KDM4C: variants seen among roughly 807,000 people sequenced by gnomAD.
KDM4C encodes lysine demethylase 4C.
Under a neutral mutation model 129.3 loss-of-function variants are expected in KDM4C, and 81 were observed. The observed-to-expected ratio is 0.63, with a 90% confidence interval of 0.52 to 0.75. The LOEUF (loss-of-function observed/expected upper bound fraction) is 0.75. Among genes scored for constraint, KDM4C ranks in the 30% least tolerant of loss-of-function variants. The pLI is 0.00. For synonymous variants in KDM4C, 573 were observed against 456.1 expected (o/e 1.26, Z -3.26); for missense variants, 1,457 against 1,304.0 (o/e 1.12, Z -1.81).
intron 8 of KDM4C, among the ~76,000 whole-genome samples, chr9:6,898,295 T>G (rs1045871264): frequency 5.3e-5 from 8 of 152,228 alleles, no homozygotes; most frequent in Admixed American, 1.3e-4. Flanking sequence ...TTTACTGTAC[T>G]GATTTTCTTG....
At chr9:6,926,467 A>T (rs1273327551) in intron 8 of KDM4C, among the ~76,000 whole-genome samples, 1 of 151,960 alleles carries the variant, frequency 6.6e-6, no homozygotes, top group Non-Finnish European at 1.5e-5. Context: ...GGCCATATTC[A>T]GTTTCTTTTT....
rs537290169 is a variant in KDM4C, at chr9:6,868,551, C to T, written c.630-11461C>T. ...GTGGTAGTTACCCATGCACATCCTC[C>T]CCTATACTTTACATCATTTCTAGAT... is the stretch of plus-strand genomic sequence containing the variant. On this transcript the variant is annotated intron_variant, in intron 5 of 21. Coordinates refer to ENST00000381309, the MANE Select transcript of KDM4C (RefSeq NM_015061.6). 6.4e-4 allele frequency among the ~76,000 whole-genome samples: 98 copies of T among 152,162 alleles called. 1 individual carries two copies. Among genetic ancestry groups the T allele is most frequent in the Admixed American group, 1.1e-3 (17 of 15,280 alleles).
intron 8 of KDM4C, among the ~76,000 whole-genome samples, chr9:6,977,167 C>G (rs946892355): frequency 1.1e-4 from 16 of 152,136 alleles, no homozygotes; most frequent in African/African-American, 3.6e-4. Flanking sequence ...ATATTTAAAT[C>G]TTCAAAATAA....
At chr9:7,063,303 C>T (rs182415092) in intron 17 of KDM4C, among the ~76,000 whole-genome samples, 6 of 152,270 alleles carry the variant, frequency 3.9e-5, no homozygotes, top group East Asian at 1.9e-4. Context: ...GCTGTCTCAA[C>T]ATTTTGATGT....
intron 1 of KDM4C, among the ~76,000 whole-genome samples, chr9:6,772,612 C>A (rs1822106214): frequency 6.6e-6 from 1 of 152,010 alleles, no homozygotes. Context: ...CTGTCCACCT[C>A]GGCCTCCCAA....
Position 6,793,035 on chromosome 9 carries a change from T to C in KDM4C, c.47T>C (p.Ile16Thr), listed in dbSNP as rs1050236148. Residue 16 changes from isoleucine to threonine, a missense_variant, in exon 2 of 22, where the codon ATA becomes ACA. By Grantham distance (89) the Ile-to-Thr change is moderately conservative (BLOSUM62 -1). Transcript: ENST00000381309. ...VESPLNPSCK[I>T]MTFRPSMEEF... ...AGTCCTCTGAACCCCAGCTGTAAGATAATGACCTTCAGACCCTCCATGGAG... is the reference window on the plus strand; with the variant it reads ...AGTCCTCTGAACCCCAGCTGTAAGACAATGACCTTCAGACCCTCCATGGAG... 4.3e-6 allele frequency: 7 copies of C among 1,614,076 alleles called. No homozygotes were observed. The highest frequency in any genetic ancestry group is 5.9e-6 in the Non-Finnish European group (7 of 1,180,030).
intron 5 of KDM4C, among the ~76,000 whole-genome samples, chr9:6,864,779 A>T (rs11999997): frequency 0.014 from 2,164 of 151,048 alleles, 54 homozygotes; most frequent in African/African-American, 0.049. Flanking sequence ...TTTGGTCTTT[A>T]GTGGTAATTT....
At chr9:6,759,132 A>G (rs1818887507) in intron 1 of KDM4C, among the ~76,000 whole-genome samples, 1 of 152,138 alleles carries the variant, frequency 6.6e-6, no homozygotes, top group Non-Finnish European at 1.5e-5. Flanking sequence ...TAACCCCGAG[A>G]GGTGATTTAT....
intron 15 of KDM4C, among the ~76,000 whole-genome samples, chr9:7,042,607 G>C (rs1828775844): frequency 6.6e-6 from 1 of 152,040 alleles, no homozygotes; most frequent in African/African-American, 2.4e-5. Context: ...TGGAGACTTA[G>C]TAATGCCTCT....
chr9:6,782,420 G>A (rs1395193300), intron 1 of KDM4C, among the ~76,000 whole-genome samples: 1 of 152,182 alleles, frequency 6.6e-6, no homozygotes, highest in Middle Eastern at 3.2e-3. Flanking sequence ...CCTTGAGCAA[G>A]CATTTTATTC....
chr9:7,016,747 A>C (rs1823770489), intron 15 of KDM4C, among the ~76,000 whole-genome samples: 1 of 152,164 alleles, frequency 6.6e-6, no homozygotes, highest in Non-Finnish European at 1.5e-5. Flanking sequence ...TTCTGGTGGC[A>C]GTCCTCTACT....
chr9:6,894,083 A>G (rs1244805240), intron 8 of KDM4C, among the ~76,000 whole-genome samples: 2 of 152,240 alleles, frequency 1.3e-5, no homozygotes, highest in Non-Finnish European at 2.9e-5. Context: ...GCATGGCTCA[A>G]CTGAATATCA....
intron 18 of KDM4C, among the ~76,000 whole-genome samples, chr9:7,110,338 C>T (rs886690667): frequency 1.3e-5 from 2 of 152,134 alleles, no homozygotes; most frequent in East Asian, 3.9e-4. Flanking sequence ...ACTTTAGTGA[C>T]AGAGCAGATA....
chr9:7,000,086 ATGT>A (rs1180353666), intron 12 of KDM4C, among the ~76,000 whole-genome samples: 2 of 152,282 alleles, frequency 1.3e-5, no homozygotes, highest in East Asian at 3.9e-4. Context: ...AAAACATTAG[ATGT>A]TGTTGGCATT....
intron 10 of KDM4C, among the ~76,000 whole-genome samples, chr9:6,984,648 A>G (rs1001576196): frequency 6.7e-5 from 10 of 149,298 alleles, no homozygotes; most frequent in Non-Finnish European, 1.2e-4. Context: ...TTTAATAAAA[A>G]AGAAGATTCT....
At chr9:7,029,693 G>C (rs1826405181) in intron 15 of KDM4C, among the ~76,000 whole-genome samples, 1 of 152,196 alleles carries the variant, frequency 6.6e-6, no homozygotes, top group Non-Finnish European at 1.5e-5. Flanking sequence ...CAGGAAATTT[G>C]GATGTTTCTT....
intron 1 of KDM4C, chr9:6,734,697 G>A (rs957887871): frequency 3.2e-6 from 1 of 314,218 alleles, no homozygotes; most frequent in Non-Finnish European, 6.2e-6. Flanking sequence ...CAGTGATTAT[G>A]GCTTCCTGAG....
At chr9:6,989,704 G>C (rs1241554359) in intron 11 of KDM4C, among the ~76,000 whole-genome samples, 1 of 152,118 alleles carries the variant, frequency 6.6e-6, no homozygotes, top group Admixed American at 6.5e-5. Flanking sequence ...CTTGCTAAAT[G>C]TTAACATGGG....
chr9:6,793,844 C>CT (rs890465011), intron 2 of KDM4C, among the ~76,000 whole-genome samples: 37 of 151,084 alleles, frequency 2.4e-4, no homozygotes, highest in African/African-American at 7.0e-4. Context: ...TGCCCGGCCT[C>CT]TTTTTTTTTA....
Sources: gnomAD v4.1 joint callset for allele counts (sites outside exome capture counted in the v4.1 genomes callset) on GRCh38, gnomAD v4.1.1 for gene constraint, MANE v1.5 for transcripts, NCBI Gene and HGNC (gene_info 2026-07-23, HGNC 2026-07-21) for gene names.